The following PTCHD4 variants were observed in gnomAD, a reference collection of about 807,000 sequenced individuals.
The protein encoded by PTCHD4 is patched domain containing 4, also known as patched domain-containing protein 4.
In PTCHD4, 33 loss-of-function variants were observed where a neutral mutation model predicts 58.1. That is an observed-to-expected ratio of 0.57 (90% CI 0.43 to 0.76). The LOEUF is 0.76. Ranked by LOEUF, PTCHD4 falls within the 30% of genes least tolerant of loss-of-function variation. The pLI is 0.00. For synonymous variants in PTCHD4, 478 were observed against 409.6 expected, an observed-to-expected ratio of 1.17 and a Z score of -2.02; for missense variants, 1,058 against 1,027.1, an observed-to-expected ratio of 1.03 and a Z score of -0.41.
intron 4 of PTCHD4, among the ~76,000 whole-genome samples, chr6:47,894,281 A>G (rs1281983451): frequency 6.6e-6 from 1 of 152,230 alleles, no homozygotes. Flanking sequence ...CCTTATTACA[A>G]CATAAATTTA....
chr6:47,953,169 T>C (rs1766719124), intron 4 of PTCHD4, among the ~76,000 whole-genome samples: 1 of 152,062 alleles, frequency 6.6e-6, no homozygotes, highest in Non-Finnish European at 1.5e-5. Context: ...ATGGATGTTC[T>C]CCTGAGAGTT....
Position 47,857,036 on chromosome 6 carries a change from C to A in PTCHD4, c.*21267G>T, listed in dbSNP as rs1013883276. ...TCAAGGTTGCTTAGGGAAATTGGAG[C>A]CTTCTGGACCCAGCCCAAATAATCT... On this transcript the variant is annotated 3_prime_UTR_variant, in exon 5 of 5. Coordinates refer to ENST00000339488, the MANE Select transcript of PTCHD4 (RefSeq NM_001384253.1). Among the ~76,000 whole-genome samples, 10 of 151,976 alleles carry A rather than the reference C, an allele frequency of 6.6e-5. No homozygotes were observed. The highest frequency in any genetic ancestry group is 1.7e-4 in the African/African-American group (7 of 41,388).
intron 4 of PTCHD4, among the ~76,000 whole-genome samples, chr6:47,909,379 C>G (rs1764994936): frequency 6.6e-6 from 1 of 152,062 alleles, no homozygotes; most frequent in Non-Finnish European, 1.5e-5. Flanking sequence ...GTTTTGCTCA[C>G]ATGATATTAT....
intron 4 of PTCHD4, among the ~76,000 whole-genome samples, chr6:48,001,430 A>G (rs1043014199): frequency 6.6e-6 from 1 of 152,206 alleles, no homozygotes; most frequent in Non-Finnish European, 1.5e-5. Flanking sequence ...AACGGAACAG[A>G]ACAGATCCCT....
intron 4 of PTCHD4, among the ~76,000 whole-genome samples, chr6:47,893,070 G>A (rs1561942783): frequency 6.6e-6 from 1 of 152,192 alleles, no homozygotes; most frequent in East Asian, 1.9e-4. Flanking sequence ...GAGTGCAGTG[G>A]TGCGATCTTG....
In PTCHD4 at chr6:47,958,042, T is replaced by C. The variant is rs1304520308; in HGVS notation, c.898+50592A>G. Among the ~76,000 whole-genome samples the C allele has an allele frequency of 2.6e-5, 4 of 152,226 alleles. No individual in the cohort carries two copies. The East Asian group carries it at 7.7e-4, about 29-fold the overall frequency. On this transcript the variant is annotated intron_variant, in intron 4 of 4. Transcript: ENST00000339488. ...TCAGTATTTAAGAAAGCCCACTCTT[T>C]AGCTACTGATAGAAAATGTGATGCC...
At position 47,912,689 on chromosome 6, in the gene PTCHD4, A is replaced by C. The variant is rs1039102653; in HGVS notation, c.899-32753T>G. On this transcript the variant is annotated intron_variant, in intron 4 of 4. Transcript: ENST00000339488. ...GATCAATAATTGATGAACTGTAACA[A>C]TAGTAGGGAGATAATTTGAGGTAAA... Among the ~76,000 whole-genome samples the C allele has an allele frequency of 2.0e-5, 3 of 152,166 alleles. No homozygotes were observed. The South Asian group carries it at 6.2e-4, about 31-fold the overall frequency.
At chr6:47,947,462 GCTC>G (rs1458632800) in intron 4 of PTCHD4, among the ~76,000 whole-genome samples, 1 of 151,380 alleles carries the variant, frequency 6.6e-6, no homozygotes, top group East Asian at 1.9e-4. Context: ...ACATTCATTA[GCTC>G]CTCCTTTATT....
In PTCHD4 at chr6:47,945,714, G is replaced by A. The variant is rs541796325; in HGVS notation, c.898+62920C>T. Reference sequence around the variant, plus strand: ...CTTCATATGGCTCAATTTTGGAAAAGTGGACATTTATATGATATAGTGTTT... The same window carrying A: ...CTTCATATGGCTCAATTTTGGAAAAATGGACATTTATATGATATAGTGTTT... On this transcript the variant is annotated intron_variant, in intron 4 of 4. Transcript: ENST00000339488. 3.1e-4 allele frequency among the ~76,000 whole-genome samples: 47 copies of A among 151,836 alleles called. 3 individuals carry two copies. The South Asian group carries it at 8.3e-3, about 27-fold the overall frequency.
rs148093524 is a variant in PTCHD4, at chr6:47,872,339, C to G, written c.*5964G>C. 1.9e-4 allele frequency among the ~76,000 whole-genome samples: 29 copies of G among 151,762 alleles called. No individual in the cohort carries two copies. The highest frequency in any genetic ancestry group is 6.7e-4 in the African/African-American group (28 of 41,482). ...AAAGCATTAGAATTTTTTTCCCCCT[C>G]TGGTTTGACAGAGCCTTGTGGGCAA... On this transcript the variant is annotated 3_prime_UTR_variant, in exon 5 of 5. Transcript: ENST00000339488.
chr6:48,005,961 C>A (rs1257633761), intron 4 of PTCHD4, among the ~76,000 whole-genome samples: 1 of 152,128 alleles, frequency 6.6e-6, no homozygotes, highest in Non-Finnish European at 1.5e-5. Flanking sequence ...TTCACCAGTT[C>A]TCAATCTTGG....
intron 3 of PTCHD4, among the ~76,000 whole-genome samples, chr6:48,044,192 G>A (rs1336503951): frequency 6.6e-6 from 1 of 151,810 alleles, no homozygotes; most frequent in Non-Finnish European, 1.5e-5. Context: ...TTGCATGAAA[G>A]AGGAAGAATC....
At chr6:48,048,522 A>T (rs1271303848) in intron 3 of PTCHD4, among the ~76,000 whole-genome samples, 2 of 151,932 alleles carry the variant, frequency 1.3e-5, no homozygotes, top group Non-Finnish European at 2.9e-5. Flanking sequence ...GGGAAAAATC[A>T]AGTTAGCAAA....
chr6:47,994,417 A>G (rs949771128), intron 4 of PTCHD4, among the ~76,000 whole-genome samples: 1 of 152,218 alleles, frequency 6.6e-6, no homozygotes, highest in African/African-American at 2.4e-5. Context: ...TGCCTGGGAC[A>G]CAAAAACAGC....
chr6:48,109,997 G>C lies in PTCHD4; in HGVS notation c.-970+1052C>G, dbSNP rs1382891974. 2.0e-5 allele frequency among the ~76,000 whole-genome samples: 3 copies of C among 152,114 alleles called. No homozygotes were observed. The East Asian group carries it at 5.8e-4, about 29-fold the overall frequency. On this transcript the variant is annotated intron_variant, in intron 1 of 4. Coordinates refer to ENST00000339488, the MANE Select transcript of PTCHD4 (RefSeq NM_001384253.1). ...AGAGTGTGGAGAAAAGAGAGCCCTT[G>C]TATACAACTGTTGGAAATGTAAACT...
intron 4 of PTCHD4, among the ~76,000 whole-genome samples, chr6:47,937,893 C>T (rs1766061473): frequency 6.6e-6 from 1 of 152,162 alleles, no homozygotes; most frequent in Non-Finnish European, 1.5e-5. Flanking sequence ...TGGCTCACAC[C>T]TGTAATCCCA....
In PTCHD4 at chr6:47,864,001, C is replaced by G. The variant is rs1332211574; in HGVS notation, c.*14302G>C. ...TCAGGCCTAGTGGTGAGAAGCTGACCTTTGTCCTCACCTTCTTCCCTGGAC... is the reference window on the plus strand; with the variant it reads ...TCAGGCCTAGTGGTGAGAAGCTGACGTTTGTCCTCACCTTCTTCCCTGGAC... On this transcript the variant is annotated 3_prime_UTR_variant, in exon 5 of 5. Transcript: ENST00000339488. Among the ~76,000 whole-genome samples, 1 of 151,954 alleles carries G rather than the reference C, an allele frequency of 6.6e-6. No homozygotes were observed. The highest frequency in any genetic ancestry group is 1.5e-5 in the Non-Finnish European group (1 of 67,926).
At chr6:47,969,316 G>C (rs148390589) in intron 4 of PTCHD4, among the ~76,000 whole-genome samples, 6 of 152,302 alleles carry the variant, frequency 3.9e-5, no homozygotes, top group African/African-American at 1.4e-4. Flanking sequence ...AACAAATGGG[G>C]CAACAAACCT....
chr6:47,900,053 G>A (rs1764648704), intron 4 of PTCHD4: 1 of 152,064 alleles, frequency 6.6e-6, no homozygotes, highest in South Asian at 2.1e-4. Flanking sequence ...CATTTGGATT[G>A]TGTCTACCTT....
Sources: allele counts gnomAD v4.1 joint callset (sites outside exome capture counted in the v4.1 genomes callset), GRCh38; gene constraint gnomAD v4.1.1; transcripts MANE v1.5; gene names NCBI Gene and HGNC (gene_info 2026-07-23, HGNC 2026-07-21).